Variants in DHX9 observed in about 807,000 individuals in gnomAD.
DHX9 encodes DExH-box helicase 9.
A neutral mutation model predicts 148.7 loss-of-function variants in DHX9; 27 were observed. That is an observed-to-expected ratio of 0.18 (90% CI 0.13 to 0.25). The LOEUF is 0.25. DHX9 is among the 10% of genes least tolerant of loss of function. The pLI, the probability that DHX9 is intolerant of heterozygous loss-of-function variation, is 1.00. For missense variants in DHX9, 796 were observed against 1,559.6 expected, an observed-to-expected ratio of 0.51 and a Z score of 8.25; for synonymous variants, 529 against 516.6, an observed-to-expected ratio of 1.02 and a Z score of -0.33.
At chr1:182,867,437 C>G (rs550041624) in intron 14 of DHX9, among the ~76,000 whole-genome samples, 1 of 152,218 alleles carries the variant, frequency 6.6e-6, no homozygotes, top group South Asian at 2.1e-4. Flanking sequence ...GAGTCTTGCT[C>G]TGTCACCCAG....
At chr1:182,867,510 C>T (rs1239372745) in intron 14 of DHX9, among the ~76,000 whole-genome samples, 1 of 152,200 alleles carries the variant, frequency 6.6e-6, no homozygotes, top group African/African-American at 2.4e-5. Context: ...TCAAGCAATT[C>T]TCCTGCCTCA....
At chr1:182,867,790 G>A (rs1218716225) in intron 14 of DHX9, among the ~76,000 whole-genome samples, 1 of 152,188 alleles carries the variant, frequency 6.6e-6, no homozygotes, top group Non-Finnish European at 1.5e-5. Flanking sequence ...AAATTAGGAA[G>A]AAACTAGAAT....
intron 27 of DHX9, among the ~76,000 whole-genome samples, chr1:182,886,184 A>ATTT (rs1186799124): frequency 1.4e-4 from 21 of 149,646 alleles, no homozygotes; most frequent in African/African-American, 5.0e-4. Flanking sequence ...TTTTTTTTTA[A>ATTT]ATTTATTTAT....
At chr1:182,884,064 G>A (rs1467063030) in intron 26 of DHX9, among the ~76,000 whole-genome samples, 2 of 152,122 alleles carry the variant, frequency 1.3e-5, no homozygotes, top group African/African-American at 4.8e-5. Context: ...TTGGGCTCAG[G>A]AAGTTCAAGA....
In DHX9 at chr1:182,883,761, T is replaced by A. The variant is rs1401299978; in HGVS notation, c.3260+126T>A. Reference sequence around the variant, plus strand: ...ACTTAATTATATACTATATACTTAATCTTAAATTGATACCAGTAGAAGCAA... The same window carrying A: ...ACTTAATTATATACTATATACTTAAACTTAAATTGATACCAGTAGAAGCAA... On this transcript the variant is annotated intron_variant, in intron 26 of 27. Transcript: ENST00000367549. 7 of 544,128 alleles carry A rather than the reference T, an allele frequency of 1.3e-5. No individual in the cohort carries two copies. The East Asian group carries it at 2.3e-4, about 18-fold the overall frequency. 33.7% of individuals were successfully genotyped at this position (544,128 alleles called of 1,614,324 possible). A position where few individuals can be genotyped will look rare whatever the true frequency, so the allele number is the denominator to read the frequency against.
chr1:182,883,756 C>A, intron 26 of DHX9, 121 bp downstream of exon 26: 1 of 571,540 alleles, frequency 1.7e-6, no homozygotes, highest in Non-Finnish European at 2.9e-6. Flanking sequence ...ATACTATATA[C>A]TTAATCTTAA....
At chr1:182,874,554 C>T (rs1451705081) in intron 15 of DHX9, among the ~76,000 whole-genome samples, 1 of 152,134 alleles carries the variant, frequency 6.6e-6, no homozygotes, top group East Asian at 1.9e-4. Context: ...CCATGTATAA[C>T]TCCCACACAA....
intron 12 of DHX9, among the ~76,000 whole-genome samples, chr1:182,864,310 G>A (rs554700354): frequency 1.3e-5 from 2 of 152,128 alleles, no homozygotes; most frequent in African/African-American, 2.4e-5. Flanking sequence ...TCTTGAACTC[G>A]TTGCCTCCAG....
chr1:182,876,670 C>T, intron 18 of DHX9, 129 bp downstream of exon 18: 2 of 961,480 alleles, frequency 2.1e-6, no homozygotes, highest in East Asian at 2.6e-5. Flanking sequence ...GGAGTCTTCT[C>T]TTTCTGAGCT....
intron 16 of DHX9, 79 bp downstream of exon 16, chr1:182,875,033 A>G (rs528874724): frequency 1.8e-5 from 20 of 1,084,722 alleles, no homozygotes; most frequent in Admixed American, 5.6e-5. Flanking sequence ...GTAACATGCA[A>G]TGTATTAGCA....
At chr1:182,872,033 C>G (rs1648572871) in intron 14 of DHX9, among the ~76,000 whole-genome samples, 2 of 152,086 alleles carry the variant, frequency 1.3e-5, no homozygotes, top group African/African-American at 4.8e-5. Context: ...CTCGAACTCC[C>G]GACCTCAGAT....
At chr1:182,882,623 T>C (rs988748430) in intron 24 of DHX9, among the ~76,000 whole-genome samples, 18 of 152,152 alleles carry the variant, frequency 1.2e-4, no homozygotes, top group Admixed American at 4.6e-4. Flanking sequence ...TCCCAGCGCT[T>C]TGGGAGGCCG....
chr1:182,882,407 G>A (rs1649124833), intron 24 of DHX9, among the ~76,000 whole-genome samples: 1 of 152,198 alleles, frequency 6.6e-6, no homozygotes, highest in Admixed American at 6.5e-5. Context: ...TACTCAAAGT[G>A]TAGACTGGGT....
chr1:182,862,297 CA>C (rs1260248799), intron 12 of DHX9, among the ~76,000 whole-genome samples: 1 of 152,164 alleles, frequency 6.6e-6, no homozygotes, highest in East Asian at 1.9e-4. Context: ...ATGAGTAGCT[CA>C]AACCATGACA....
chr1:182,840,680 A>C (rs1235897904), intron 1 of DHX9, among the ~76,000 whole-genome samples: 1 of 152,220 alleles, frequency 6.6e-6, no homozygotes, highest in African/African-American at 2.4e-5. Context: ...CTAAAGGGAT[A>C]GTGATCTTAC....
chr1:182,851,978 G>A (rs1668158812), intron 3 of DHX9, among the ~76,000 whole-genome samples: 1 of 152,176 alleles, frequency 6.6e-6, no homozygotes, highest in South Asian at 2.1e-4. Flanking sequence ...TTGTGAGGAG[G>A]TAAGTACAGA....
intron 15 of DHX9, among the ~76,000 whole-genome samples, chr1:182,873,918 A>G (rs1648655719): frequency 6.6e-6 from 1 of 152,226 alleles, no homozygotes; most frequent in Admixed American, 6.5e-5. Flanking sequence ...GCCCATAACG[A>G]TGGGGATAAA....
rs182516533 is a variant in DHX9 at position 182,869,080 on chromosome 1, C to T, written c.1557+2037C>T. Among the ~76,000 whole-genome samples the T allele has an allele frequency of 2.8e-4, 42 of 152,266 alleles. 1 individual carries two copies. The highest frequency in any genetic ancestry group is 2.5e-3 in the Admixed American group (39 of 15,304). On this transcript the variant is annotated intron_variant, in intron 14 of 27. Coordinates refer to ENST00000367549, the MANE Select transcript of DHX9 (RefSeq NM_001357.5). Reference sequence around the variant, plus strand: ...ACACTGGAATAATGTCATGGATTATCGCTGGTATTTTTCTAAAACAGTAAG... The same window carrying T: ...ACACTGGAATAATGTCATGGATTATTGCTGGTATTTTTCTAAAACAGTAAG...
rs1648692037 is a variant in DHX9 at position 182,874,888 on chromosome 1, C to T, written c.1749C>T (p.His583=). 1.2e-5 allele frequency: 19 copies of T among 1,613,106 alleles called. No homozygotes were observed. Among genetic ancestry groups the T allele is most frequent in the Non-Finnish European group, 1.6e-5 (19 of 1,179,484 alleles). ...YFLEDCIQMT[H]FVPPPKDKKK... Reference sequence around the variant, plus strand: ...TGGAAGACTGCATTCAGATGACCCACTTTGTTCCTCCACCAAAAGACAAAA... The same window carrying T: ...TGGAAGACTGCATTCAGATGACCCATTTTGTTCCTCCACCAAAAGACAAAA... The change falls in exon 16 of 28, where the codon CAC becomes CAT. Residue 583 remains histidine (H), a synonymous_variant. Transcript: ENST00000367549.
Sources: allele counts gnomAD v4.1 joint callset (sites outside exome capture counted in the v4.1 genomes callset), GRCh38; gene constraint gnomAD v4.1.1; transcripts MANE v1.5; gene names NCBI Gene and HGNC (gene_info 2026-07-23, HGNC 2026-07-21).